SLC5A5: variants seen among roughly 807,000 people sequenced by gnomAD.
The protein encoded by SLC5A5 is sodium/iodide cotransporter.
A neutral mutation model predicts 68.6 loss-of-function variants in SLC5A5; 56 were observed. The ratio of observed to expected loss-of-function variants is 0.82; its 90% CI spans 0.66 to 1.02. The LOEUF (loss-of-function observed/expected upper bound fraction) is 1.02. Among genes scored for constraint, SLC5A5 ranks in the 50% least tolerant of loss-of-function variants. SLC5A5 has a pLI of 0.00. For missense variants in SLC5A5, 807 were observed against 859.8 expected (o/e 0.94, Z 0.77); for synonymous variants, 398 against 373.0 (o/e 1.07, Z -0.77).
chr19:17,874,541 C>A lies in SLC5A5; in HGVS notation c.471C>A (p.Asn157Lys), dbSNP rs376216135. 6.4e-5 allele frequency: 103 copies of A among 1,613,730 alleles called. No individual in the cohort carries two copies. Among genetic ancestry groups the A allele is most frequent in the Non-Finnish European group, 8.2e-5 (97 of 1,179,882 alleles). The change falls in exon 3 of 15, where the codon AAC (asparagine) becomes AAA (lysine). Residue 157 changes from asparagine (N) to lysine (K), a missense_variant. Coordinates refer to ENST00000222248, the MANE Select transcript of SLC5A5 (RefSeq NM_000453.3). ...IVIYAPALIL[N>K]QVTGLDIWAS... ...TCTACGCACCGGCCCTCATCCTGAACCAAGGTGTGACTCTGGGAGATTAGG... is the reference window on the plus strand; with the variant it reads ...TCTACGCACCGGCCCTCATCCTGAAACAAGGTGTGACTCTGGGAGATTAGG...
chr19:17,873,509 G>A (rs1160593025), intron 1 of SLC5A5, among the ~76,000 whole-genome samples: 3 of 150,958 alleles, frequency 2.0e-5, no homozygotes, highest in Admixed American at 6.6e-5. Context: ...TGTAATCCCA[G>A]CACTTTGGGA....
At chr19:17,877,930 T>C in intron 6 of SLC5A5, 34 bp from the exon 7 acceptor site, 1 of 1,613,810 alleles carries the variant, frequency 6.2e-7, no homozygotes, top group Non-Finnish European at 8.5e-7. Context: ...AGCCTGAGGC[T>C]ATCCCCTAAG....
chr19:17,883,313 A>G (rs1231482376), intron 10 of SLC5A5, among the ~76,000 whole-genome samples: 11 of 143,630 alleles, frequency 7.7e-5, no homozygotes, highest in Non-Finnish European at 9.1e-5. Flanking sequence ...GGAATTGGGA[A>G]GGGGGAGGTG....
At chr19:17,883,317 G>GC (rs1315449400) in intron 10 of SLC5A5, among the ~76,000 whole-genome samples, 2 of 146,638 alleles carry the variant, frequency 1.4e-5, no homozygotes, top group South Asian at 2.1e-4. Flanking sequence ...TTGGGAAGGG[G>GC]GAGGTGGCGA....
At chr19:17,889,913 C>T (rs984191929) in intron 13 of SLC5A5, among the ~76,000 whole-genome samples, 7 of 152,208 alleles carry the variant, frequency 4.6e-5, no homozygotes. Context: ...GTAGTGATAA[C>T]AGTACCTGCT....
At chr19:17,891,085 T>G in intron 14 of SLC5A5, 84 bp downstream of exon 14, 3 of 840,182 alleles carry the variant, frequency 3.6e-6, no homozygotes, top group Non-Finnish European at 6.3e-6. Context: ...GGACATGGTA[T>G]ATCAGCACCT....
rs2094296433 is a variant in SLC5A5, at chr19:17,872,417, G to C, written c.98G>C (p.Trp33Ser). The C allele has an allele frequency of 1.2e-6, 2 of 1,608,018 alleles. No individual in the cohort carries two copies. Among genetic ancestry groups the C allele is most frequent in the Admixed American group, 3.4e-5 (2 of 59,580 alleles). Residue 33 changes from tryptophan to serine, a missense_variant, in exon 1 of 15, where the codon TGG becomes TCG. Transcript: ENST00000222248. ...CTGGTGTCCACTGGCATCGGGCTGTGGGTCGGGCTGGCTCGGGGCGGGCAG... is the reference window on the plus strand; with the variant it reads ...CTGGTGTCCACTGGCATCGGGCTGTCGGTCGGGCTGGCTCGGGGCGGGCAG... The part of the protein sequence containing the change: ...MLLVSTGIGL[W>S]VGLARGGQRS...
At chr19:17,874,578 G>A in intron 3 of SLC5A5, 33 bp downstream of exon 3, 2 of 1,613,432 alleles carry the variant, frequency 1.2e-6, no homozygotes, top group South Asian at 2.2e-5. Context: ...AAGCATGTCT[G>A]GGAAGAGAAA....
At chr19:17,880,626 T>A (rs563134804) in intron 7 of SLC5A5, among the ~76,000 whole-genome samples, 1 of 152,132 alleles carries the variant, frequency 6.6e-6, no homozygotes, top group East Asian at 1.9e-4. Flanking sequence ...AGCCCAGGAG[T>A]TCTAGGCTGC....
At chr19:17,887,106 C>T (rs771084286) in intron 12 of SLC5A5, among the ~76,000 whole-genome samples, 5 of 151,946 alleles carry the variant, frequency 3.3e-5, no homozygotes, top group Non-Finnish European at 5.9e-5. Flanking sequence ...AAAAAAACAC[C>T]CTTTGCCCAT....
At position 17,872,324 on chromosome 19, in the gene SLC5A5, A is replaced by T; in HGVS notation, c.5A>T (p.Glu2Val). 6.5e-7 allele frequency: 1 copy of T among 1,546,982 alleles called. No individual in the cohort carries two copies. Among genetic ancestry groups the T allele is most frequent in the Non-Finnish European group, 8.7e-7 (1 of 1,143,920 alleles). Residue 2 changes from glutamate (E) to valine (V), a missense_variant, in exon 1 of 15, where the codon GAG (glutamate) becomes GTG (valine). Glu to Val is a moderately radical substitution (Grantham distance 121, BLOSUM62 -2). Transcript: ENST00000222248. Reference sequence around the variant, plus strand: ...TGGGCCTCCGCACCCGCCCTCATGGAGGCCGTGGAGACCGGGGAACGGCCC... The same window carrying T: ...TGGGCCTCCGCACCCGCCCTCATGGTGGCCGTGGAGACCGGGGAACGGCCC... M[E>V]AVETGERPTF...
At position 17,888,312 on chromosome 19, in the gene SLC5A5, T is replaced by C; in HGVS notation, c.1527-19T>C. ...GGGGATAAAAGAGGAGGTTCAAGTCTGTCTCTCCCAACCTGCAGCTCAGGA... is the reference window on the plus strand; with the variant it reads ...GGGGATAAAAGAGGAGGTTCAAGTCCGTCTCTCCCAACCTGCAGCTCAGGA... On this transcript the variant is annotated intron_variant, in intron 12 of 14. Coordinates refer to ENST00000222248, the MANE Select transcript of SLC5A5 (RefSeq NM_000453.3). 1.2e-6 allele frequency: 2 copies of C among 1,613,476 alleles called. No homozygotes were observed. Among genetic ancestry groups the C allele is most frequent in the Non-Finnish European group, 1.7e-6 (2 of 1,179,846 alleles).
intron 7 of SLC5A5, among the ~76,000 whole-genome samples, chr19:17,879,271 C>T (rs1052763156): frequency 1.3e-5 from 2 of 152,024 alleles, no homozygotes; most frequent in Non-Finnish European, 2.9e-5. Flanking sequence ...CCAGCCTGGG[C>T]AACAAGAGAG....
Position 17,877,985 on chromosome 19 carries a change from C to A in SLC5A5, c.861C>A (p.Val287=). ...QAKLALLINQ[V]GLFLIVSSAA... is the part of the protein sequence containing the mutation. ...CCAGGGCCCTGCTCATCAACCAGGT[C>A]GGCCTGTTCCTGATCGTGTCCAGCG... The change falls in exon 7 of 15, where the codon GTC becomes GTA. Residue 287 remains valine, a synonymous_variant. Coordinates refer to ENST00000222248, the MANE Select transcript of SLC5A5 (RefSeq NM_000453.3). The A allele has an allele frequency of 4.3e-6, 7 of 1,613,424 alleles. No homozygotes were observed. Among genetic ancestry groups the A allele is most frequent in the Non-Finnish European group, 5.9e-6 (7 of 1,180,024 alleles).
In SLC5A5 at chr19:17,874,698, C is replaced by T. The variant is rs374215257; in HGVS notation, c.510C>T (p.Ser170=). The T allele has an allele frequency of 5.0e-6, 8 of 1,614,012 alleles. No individual in the cohort carries two copies. Among genetic ancestry groups the T allele is most frequent in the African/African-American group, 1.3e-5 (1 of 74,912 alleles). ...TGGACATCTGGGCGTCGCTCCTGTCCACCGGAATTATCTGCACCTTCTACA... is the reference window on the plus strand; with the variant it reads ...TGGACATCTGGGCGTCGCTCCTGTCTACCGGAATTATCTGCACCTTCTACA... ...TGLDIWASLL[S]TGIICTFYTA... is the part of the protein sequence containing the mutation. The change falls in exon 4 of 15, where the codon TCC becomes TCT. Residue 170 remains serine, a synonymous_variant. Coordinates refer to ENST00000222248, the MANE Select transcript of SLC5A5 (RefSeq NM_000453.3).
intron 4 of SLC5A5, among the ~76,000 whole-genome samples, chr19:17,875,376 AT>A (rs1250862717): frequency 3.4e-5 from 5 of 149,210 alleles, no homozygotes; most frequent in African/African-American, 5.0e-5. Context: ...TCTCAAAAAA[AT>A]ATAATAATAA....
chr19:17,878,986 A>C (rs1045038717), intron 7 of SLC5A5, among the ~76,000 whole-genome samples: 8 of 149,280 alleles, frequency 5.4e-5, no homozygotes, highest in African/African-American at 9.9e-5. Context: ...AAAAAAAAAA[A>C]AACAAAAAAA....
intron 14 of SLC5A5, among the ~76,000 whole-genome samples, chr19:17,893,036 A>T (rs1334706742): frequency 4.6e-3 from 356 of 77,478 alleles, no homozygotes; most frequent in Middle Eastern, 0.015. Context: ...TTTGTTCTTT[A>T]TTATTTTATT....
chr19:17,880,694 TCAAAA>T (rs144134876), intron 7 of SLC5A5, among the ~76,000 whole-genome samples, 166 bp from the exon 8 acceptor site: 85 of 151,732 alleles, frequency 5.6e-4, no homozygotes, highest in African/African-American at 1.6e-3. Context: ...AGATCTTTTC[TCAAAA>T]CAAAACAAAA....
Sources: gnomAD v4.1 joint callset for allele counts (sites outside exome capture counted in the v4.1 genomes callset) on GRCh38, gnomAD v4.1.1 for gene constraint, MANE v1.5 for transcripts, NCBI Gene and HGNC (gene_info 2026-07-23, HGNC 2026-07-21) for gene names.